The following SMG7 variants were observed in gnomAD, a reference collection of about 807,000 sequenced individuals.
SMG7 encodes SMG7 nonsense mediated mRNA decay factor, also known as nonsense-mediated mRNA decay factor SMG7.
SMG7 carries 34 observed loss-of-function variants against 148.2 expected under a neutral mutation model. The observed-to-expected ratio is 0.23, with a 90% CI of 0.17 to 0.31. The LOEUF (loss-of-function observed/expected upper bound fraction) is 0.31, where lower values mean the gene tolerates loss of function less well. SMG7 is among the 10% of genes least tolerant of loss of function. The pLI is 1.00. For synonymous variants in SMG7, 492 were observed against 515.1 expected, an observed-to-expected ratio of 0.96 and a Z score of 0.61; for missense variants, 1,114 against 1,408.4, an observed-to-expected ratio of 0.79 and a Z score of 3.35.
intron 1 of SMG7, among the ~76,000 whole-genome samples, chr1:183,507,672 C>A (rs1661229388): frequency 6.6e-6 from 1 of 152,134 alleles, no homozygotes. Flanking sequence ...ACTATAATAT[C>A]TATATGTATT....
Position 183,537,214 on chromosome 1 carries a change from T to G in SMG7, c.1233T>G (p.Ser411Arg). The G allele has an allele frequency of 6.2e-7, 1 of 1,605,670 alleles. No individual in the cohort carries two copies. Among genetic ancestry groups the G allele is most frequent in the South Asian group, 1.1e-5 (1 of 90,888 alleles). Residue 411 changes from serine to arginine, a missense_variant and splice_region_variant, in exon 11 of 23, where the codon AGT becomes AGG. By Grantham distance (110) the Ser-to-Arg change is moderately radical. This residue lies in a region of SMG7 where 102 missense variants were observed against 147.2 expected (regional missense o/e 0.69). Coordinates refer to ENST00000688051, the MANE Select transcript of SMG7 (RefSeq NM_001375584.1). ...HPHEEDLSSI[S>R]ATPLPEEFEL... Reference sequence around the variant, plus strand: ...ATGAAGAGGACCTCTCAAGTATTAGTGGTAAGGGCTACCCTAACCTTGTGT... The same window carrying G: ...ATGAAGAGGACCTCTCAAGTATTAGGGGTAAGGGCTACCCTAACCTTGTGT...
chr1:183,509,654 A>G (rs950995855), intron 1 of SMG7, among the ~76,000 whole-genome samples: 5 of 152,224 alleles, frequency 3.3e-5, no homozygotes, highest in African/African-American at 1.2e-4. Flanking sequence ...AAAAGTAATT[A>G]ACTTGTGCTT....
intron 1 of SMG7, among the ~76,000 whole-genome samples, chr1:183,501,832 T>C (rs1210873745): frequency 6.6e-6 from 1 of 152,226 alleles, no homozygotes; most frequent in Admixed American, 6.5e-5. Context: ...TTATTCATAC[T>C]ACCTATAATT....
chr1:183,476,357 A>G (rs1467730633), intron 1 of SMG7, among the ~76,000 whole-genome samples: 2 of 152,168 alleles, frequency 1.3e-5, no homozygotes, highest in Non-Finnish European at 2.9e-5. Flanking sequence ...ATAGCTACAG[A>G]TCCTGCCTCA....
intron 1 of SMG7, among the ~76,000 whole-genome samples, chr1:183,509,276 T>A (rs1022486206): frequency 6.6e-6 from 1 of 152,222 alleles, no homozygotes; most frequent in African/African-American, 2.4e-5. Flanking sequence ...TCAGATATAA[T>A]CTATTTCCTT....
rs143157038 is a variant in SMG7, at chr1:183,477,398, TTG to T, written c.29+4769_29+4770del. Among the ~76,000 whole-genome samples the T allele has an allele frequency of 3.2e-3, 420 of 132,972 alleles. 3 individuals carry two copies. The highest frequency in any genetic ancestry group is 9.5e-3 in the African/African-American group (368 of 38,542). The allele number at this position is 132,972 out of a possible 152,430, so 87.2% of individuals were successfully genotyped here. A position where few individuals can be genotyped will look rare whatever the true frequency, so the allele number is the denominator to read the frequency against. On this transcript the variant is annotated intron_variant, in intron 1 of 22. Transcript: ENST00000688051. ...AGGTCCAGAAAGTATCTGTTTTGTT[TTG>T]TGTGTGTGTGTGTGTGTGTATGTGT...
At chr1:183,491,406 A>G (rs1656958311) in intron 1 of SMG7, among the ~76,000 whole-genome samples, 1 of 152,212 alleles carries the variant, frequency 6.6e-6, no homozygotes, top group Non-Finnish European at 1.5e-5. Context: ...AAGCTAGAAC[A>G]TTCTGTCTAA....
rs774555218 is a variant in SMG7 at position 183,549,780 on chromosome 1, A to G, written c.2990A>G (p.Asn997Ser). 8 of 1,613,740 alleles carry G rather than the reference A, an allele frequency of 5.0e-6. No homozygotes were observed. Among genetic ancestry groups the G allele is most frequent in the Non-Finnish European group, 6.8e-6 (8 of 1,179,714 alleles). Residue 997 changes from asparagine to serine, a missense_variant, in exon 20 of 23, where the codon AAT (asparagine) becomes AGT (serine). By Grantham distance (46) the Asn-to-Ser change is conservative (BLOSUM62 1). Coordinates refer to ENST00000688051, the MANE Select transcript of SMG7 (RefSeq NM_001375584.1). ...GTCTTTCAGGAAAGATACCCAAATA[A>G]TAGTATGTTCAATGAGGTATATGGG... ...FSLNQERYPN[N>S]SMFNEVYGKN...
At chr1:183,477,826 GTATA>G (rs1009551878) in intron 1 of SMG7, among the ~76,000 whole-genome samples, 6 of 152,060 alleles carry the variant, frequency 3.9e-5, no homozygotes, top group African/African-American at 9.7e-5. Context: ...ACATATGTGT[GTATA>G]TATACATATA....
At chr1:183,511,611 A>T (rs1394810036) in intron 1 of SMG7, among the ~76,000 whole-genome samples, 1 of 152,180 alleles carries the variant, frequency 6.6e-6, no homozygotes, top group Non-Finnish European at 1.5e-5. Flanking sequence ...ATGTTGTAGG[A>T]CAGTTTAGAT....
intron 12 of SMG7, among the ~76,000 whole-genome samples, chr1:183,540,270 TCCTTTTA>T (rs1284952520): frequency 6.6e-6 from 1 of 152,180 alleles, no homozygotes; most frequent in African/African-American, 2.4e-5. Flanking sequence ...GAACTCATCC[TCCTTTTA>T]CTATATTCAC....
intron 1 of SMG7, among the ~76,000 whole-genome samples, chr1:183,498,404 C>T (rs533577931): frequency 6.6e-6 from 1 of 152,274 alleles, no homozygotes; most frequent in African/African-American, 2.4e-5. Context: ...TGGCACGTGC[C>T]TCTAGTTGCA....
rs1334970758 is a variant in SMG7, at chr1:183,552,881, C to T, written c.*950C>T. On this transcript the variant is annotated 3_prime_UTR_variant, in exon 23 of 23. Transcript: ENST00000688051. Reference sequence around the variant, plus strand: ...GTTTTTGTGCCCCCATTCTACTTCCCACCCTCCTGCCCCATCTCCATCCCT... The same window carrying T: ...GTTTTTGTGCCCCCATTCTACTTCCTACCCTCCTGCCCCATCTCCATCCCT... 2.1e-6 allele frequency: 3 copies of T among 1,445,214 alleles called. No individual in the cohort carries two copies. In the African/African-American group the frequency reaches 4.3e-5, roughly 21 times the overall value. 89.5% of individuals were successfully genotyped at this position (1,445,214 alleles called of 1,614,324 possible).
chr1:183,541,738 A>G (rs568765745), intron 13 of SMG7, among the ~76,000 whole-genome samples: 11 of 152,300 alleles, frequency 7.2e-5, no homozygotes, highest in African/African-American at 2.6e-4. Context: ...CCAAGCTTCA[A>G]TTTTCACATC....
chr1:183,541,068 C>A lies in SMG7; in HGVS notation c.1380C>A (p.Ile460=). 1 of 1,613,660 alleles carries A rather than the reference C, an allele frequency of 6.2e-7. No individual in the cohort carries two copies. The highest frequency in any genetic ancestry group is 8.5e-7 in the Non-Finnish European group (1 of 1,179,586). ...GACGAATACGACAGCAACGCTTGAT[C>A]TCTATAGGCAAATGGATTGCTGATA... ...QQRRIRQQRL[I]SIGKWIADNQ... is the part of the protein sequence containing the mutation. Residue 460 remains isoleucine, a synonymous_variant, in exon 13 of 23, where the codon ATC becomes ATA. Coordinates refer to ENST00000688051, the MANE Select transcript of SMG7 (RefSeq NM_001375584.1).
chr1:183,545,601 C>T (rs1669785688), intron 16 of SMG7, among the ~76,000 whole-genome samples: 1 of 152,066 alleles, frequency 6.6e-6, no homozygotes. Context: ...ACATAAACTA[C>T]TAGGGAAATA....
intron 22 of SMG7, 56 bp from the exon 23 acceptor site, chr1:183,551,762 C>T: frequency 7.3e-7 from 1 of 1,365,430 alleles, no homozygotes; most frequent in Non-Finnish European, 9.9e-7. Flanking sequence ...TTGAAAAATC[C>T]CTTTCAGACA....
chr1:183,491,706 T>C (rs1466333941), intron 1 of SMG7, among the ~76,000 whole-genome samples: 1 of 152,192 alleles, frequency 6.6e-6, no homozygotes, highest in Non-Finnish European at 1.5e-5. Flanking sequence ...TTATCTATCA[T>C]GGATTGGTGT....
intron 1 of SMG7, among the ~76,000 whole-genome samples, chr1:183,477,443 C>T (rs1326771633): frequency 6.7e-6 from 1 of 148,550 alleles, no homozygotes; most frequent in Non-Finnish European, 1.5e-5. Context: ...TGTATATATA[C>T]ATATATACAT....
Sources: allele counts gnomAD v4.1 joint callset (sites outside exome capture counted in the v4.1 genomes callset), GRCh38; gene constraint gnomAD v4.1.1; regional missense constraint gnomAD v4.1.1; transcripts MANE v1.5; gene names NCBI Gene and HGNC (gene_info 2026-07-23, HGNC 2026-07-21).